Variants in UGGT2 observed in about 807,000 individuals in gnomAD.
UGGT2 encodes UDP-glucose:glycoprotein glucosyltransferase 2.
In UGGT2, 180 loss-of-function variants were observed where a neutral mutation model predicts 192.1. That is an observed-to-expected ratio of 0.94 (90% CI 0.83 to 1.06). The LOEUF is 1.06. Among genes scored for constraint, UGGT2 ranks in the 50% least tolerant of loss-of-function variants. The pLI, the probability that UGGT2 is intolerant of heterozygous loss-of-function variation, is 0.00. For missense variants in UGGT2, 1,849 were observed against 1,795.7 expected (o/e 1.03, Z -0.54); for synonymous variants, 580 against 591.0 (o/e 0.98, Z 0.27).
chr13:95,936,821 T>G, intron 17 of UGGT2, 103 bp downstream of exon 17: 1 of 1,123,786 alleles, frequency 8.9e-7, no homozygotes, highest in Non-Finnish European at 1.2e-6. Flanking sequence ...ATGATCAGAA[T>G]GGAAATTTTT....
At chr13:95,966,985 C>T (rs1176383992) in intron 12 of UGGT2, among the ~76,000 whole-genome samples, 2 of 152,076 alleles carry the variant, frequency 1.3e-5, no homozygotes, top group African/African-American at 2.4e-5. Context: ...AAATTTATAA[C>T]GCTTCTCTGT....
In UGGT2 at chr13:95,820,130, G is replaced by T. The variant is rs543266914; in HGVS notation, c.4528+12797C>A. Among the ~76,000 whole-genome samples the T allele has an allele frequency of 4.0e-5, 6 of 150,542 alleles. No homozygotes were observed. The South Asian group carries it at 1.3e-3, about 32-fold the overall frequency. The stretch of plus-strand genomic sequence containing the variant: ...ACTGCACCACTGTATTCCAGCCTGT[G>T]TGACAGAGTGAAACTGTCTCAAAAA... On this transcript the variant is annotated intron_variant, in intron 38 of 38. Transcript: ENST00000376747.
At chr13:95,846,516 A>G (rs1470208226) in intron 36 of UGGT2, among the ~76,000 whole-genome samples, 1 of 152,136 alleles carries the variant, frequency 6.6e-6, no homozygotes, top group African/African-American at 2.4e-5. Flanking sequence ...AACTTTTCTT[A>G]AGAAATGCTT....
chr13:96,015,726 T>C (rs1377080180), intron 4 of UGGT2, among the ~76,000 whole-genome samples: 2 of 152,216 alleles, frequency 1.3e-5, no homozygotes, highest in Non-Finnish European at 2.9e-5. Context: ...TACACTTTAA[T>C]ATACATGTAC....
chr13:95,890,841 G>A (rs1363859871), intron 25 of UGGT2, 21 bp downstream of exon 25: 9 of 1,568,896 alleles, frequency 5.7e-6, no homozygotes, highest in South Asian at 2.3e-5. Flanking sequence ...AAAACATTTA[G>A]TCTAATTTAT....
chr13:95,949,472 C>T lies in UGGT2; in HGVS notation c.1336-18G>A, dbSNP rs1318522012. ...TTAATCCACTAGAAAAGAACGCAGA[C>T]ACTTGTGAAAGCTATATTAACACTG... is the stretch of plus-strand genomic sequence containing the variant. On this transcript the variant is annotated intron_variant, in intron 12 of 38. Transcript: ENST00000376747. The T allele has an allele frequency of 1.4e-6, 2 of 1,444,150 alleles. No homozygotes were observed. Among genetic ancestry groups the T allele is most frequent in the South Asian group, 1.7e-5 (1 of 60,478 alleles). The allele number at this position is 1,444,150 out of a possible 1,614,324, so 89.5% of individuals were successfully genotyped here.
At chr13:95,921,933 TC>T (rs2048857438) in intron 20 of UGGT2, among the ~76,000 whole-genome samples, 1 of 152,080 alleles carries the variant, frequency 6.6e-6, no homozygotes, top group South Asian at 2.1e-4. Flanking sequence ...TGGGTATATA[TC>T]CAAAGAAAAA....
chr13:95,979,670 G>A (rs9562005), intron 10 of UGGT2, among the ~76,000 whole-genome samples: 57,280 of 151,100 alleles, frequency 0.38, 10,981 homozygotes, highest in Middle Eastern at 0.43. Context: ...TTGTTATTAT[G>A]TATTTAAAGA....
At chr13:95,924,764 T>A (rs574463583) in intron 20 of UGGT2, among the ~76,000 whole-genome samples, 1 of 152,004 alleles carries the variant, frequency 6.6e-6, no homozygotes, top group Admixed American at 6.6e-5. Context: ...CAAAAACAGG[T>A]CTATGTGGCA....
At chr13:95,831,282 TA>T (rs1044712559) in intron 38 of UGGT2, among the ~76,000 whole-genome samples, 36 of 151,382 alleles carry the variant, frequency 2.4e-4, no homozygotes, top group South Asian at 6.3e-4. Context: ...ATAATAATAA[TA>T]AAAAAAAATC....
intron 20 of UGGT2, among the ~76,000 whole-genome samples, chr13:95,910,600 A>C (rs1055842153): frequency 6.6e-6 from 1 of 152,166 alleles, no homozygotes; most frequent in Non-Finnish European, 1.5e-5. Flanking sequence ...AAGTCCTCAG[A>C]GACCTACAAA....
At chr13:95,986,948 ATG>A (rs2051308540) in intron 8 of UGGT2, among the ~76,000 whole-genome samples, 2 of 152,156 alleles carry the variant, frequency 1.3e-5, no homozygotes, top group African/African-American at 4.8e-5. Context: ...AAAAAGAAAA[ATG>A]TGTGTTGCTA....
intron 36 of UGGT2, among the ~76,000 whole-genome samples, chr13:95,847,666 C>T (rs1388713447): frequency 2.0e-5 from 3 of 152,112 alleles, no homozygotes; most frequent in Non-Finnish European, 4.4e-5. Flanking sequence ...AATAATATTC[C>T]ATGGTCTGGA....
In UGGT2 at chr13:95,880,499, G is replaced by C. The variant is rs538465823; in HGVS notation, c.3229-2643C>G. On this transcript the variant is annotated intron_variant, in intron 27 of 38. Transcript: ENST00000376747. ...TTCAGGACTCTGGGCAAAAATCCAA[G>C]AAAAAGTTAAAGGAATTAGTTTTAG... Among the ~76,000 whole-genome samples, 3 of 152,296 alleles carry C rather than the reference G, an allele frequency of 2.0e-5. No individual in the cohort carries two copies. The East Asian group carries it at 5.8e-4, about 29-fold the overall frequency.
At chr13:95,927,744 T>C (rs2049075030) in intron 17 of UGGT2, among the ~76,000 whole-genome samples, 1 of 152,066 alleles carries the variant, frequency 6.6e-6, no homozygotes, top group Non-Finnish European at 1.5e-5. Context: ...AGGACAATAG[T>C]GGAGGGAAGG....
intron 22 of UGGT2, among the ~76,000 whole-genome samples, chr13:95,899,933 G>T (rs1207447539): frequency 6.6e-6 from 1 of 152,060 alleles, no homozygotes. Flanking sequence ...CATTAAGAGT[G>T]CATTAGAACT....
chr13:95,950,381 G>C (rs1015908886), intron 12 of UGGT2, among the ~76,000 whole-genome samples: 1 of 152,022 alleles, frequency 6.6e-6, no homozygotes, highest in African/African-American at 2.4e-5. Context: ...TTGAGACCCA[G>C]TAAGGCCAGA....
At chr13:95,996,184 G>T in intron 6 of UGGT2, 49 bp from the exon 7 acceptor site, 1 of 1,515,718 alleles carries the variant, frequency 6.6e-7, no homozygotes, top group South Asian at 1.2e-5. Context: ...TTTTCAGACT[G>T]GGAAAAGAAC....
chr13:95,942,619 T>C (rs2049728901), intron 15 of UGGT2, among the ~76,000 whole-genome samples: 1 of 152,178 alleles, frequency 6.6e-6, no homozygotes, highest in Non-Finnish European at 1.5e-5. Context: ...TAAAAGTTAT[T>C]TTATGCATTT....
Sources: gnomAD v4.1 joint callset for allele counts (sites outside exome capture counted in the v4.1 genomes callset) on GRCh38, gnomAD v4.1.1 for gene constraint, MANE v1.5 for transcripts, NCBI Gene and HGNC (gene_info 2026-07-23, HGNC 2026-07-21) for gene names.